The following FREM1 variants were observed in gnomAD, a reference collection of about 807,000 sequenced individuals.
FREM1 encodes the protein FRAS1-related extracellular matrix protein 1.
In FREM1, 220 loss-of-function variants were observed where a neutral mutation model predicts 210.1. That is an observed-to-expected ratio of 1.05 (90% CI 0.94 to 1.17). FREM1 has a LOEUF of 1.17. Ranked by LOEUF, FREM1 falls within the 50% of genes most tolerant of loss-of-function variation. The probability of loss-of-function intolerance (pLI) is 0.00; values close to 1 mark genes in which losing one functional copy is unlikely to be tolerated. For synonymous variants in FREM1, 1,189 were observed against 980.2 expected, an observed-to-expected ratio of 1.21 and a Z score of -3.98; for missense variants, 3,454 against 2,675.5, an observed-to-expected ratio of 1.29 and a Z score of -6.42.
intron 22 of FREM1, among the ~76,000 whole-genome samples, chr9:14,789,343 G>A (rs758954449): frequency 6.6e-6 from 1 of 152,068 alleles, no homozygotes; most frequent in African/African-American, 2.4e-5. Context: ...GGTTTCAGAC[G>A]AAGTCAAACA....
intron 18 of FREM1, among the ~76,000 whole-genome samples, chr9:14,806,150 C>T (rs538153334): frequency 6.6e-6 from 1 of 151,468 alleles, no homozygotes; most frequent in African/African-American, 2.4e-5. Context: ...AATTTGCATG[C>T]AAGGGGGAAG....
chr9:14,822,408 C>T (rs1000095801), intron 13 of FREM1, among the ~76,000 whole-genome samples: 4 of 152,162 alleles, frequency 2.6e-5, no homozygotes, highest in Admixed American at 1.3e-4. Flanking sequence ...TCCAAGTAGG[C>T]ACCCGGGAAA....
intron 1 of FREM1, among the ~76,000 whole-genome samples, chr9:14,870,048 T>C (rs1317335726): frequency 2.0e-5 from 3 of 152,266 alleles, no homozygotes; most frequent in Non-Finnish European, 4.4e-5. Context: ...AAAGATTTTA[T>C]CTAAAGTAAA....
intron 10 of FREM1, among the ~76,000 whole-genome samples, chr9:14,826,017 C>G (rs922052554): frequency 6.6e-6 from 1 of 152,016 alleles, no homozygotes; most frequent in Non-Finnish European, 1.5e-5. Context: ...AACAACTTCT[C>G]AGAAAGTGTG....
chr9:14,804,048 C>G (rs1429286310), intron 19 of FREM1, among the ~76,000 whole-genome samples: 1 of 152,092 alleles, frequency 6.6e-6, no homozygotes, highest in Non-Finnish European at 1.5e-5. Flanking sequence ...CATAAAATGC[C>G]AAACCTGATT....
chr9:14,879,761 G>T (rs907712044), intron 1 of FREM1, among the ~76,000 whole-genome samples: 2 of 152,114 alleles, frequency 1.3e-5, no homozygotes, highest in African/African-American at 4.8e-5. Flanking sequence ...AACTCTAAAG[G>T]CTGCATCTAT....
At chr9:14,818,704 C>T (rs1170353057) in intron 14 of FREM1, among the ~76,000 whole-genome samples, 16 of 152,178 alleles carry the variant, frequency 1.1e-4, no homozygotes, top group Admixed American at 1.0e-3. Context: ...ATTGTGCCAT[C>T]CCTGTTGGAG....
At chr9:14,758,020 C>G (rs1006822364) in intron 28 of FREM1, among the ~76,000 whole-genome samples, 9 of 152,138 alleles carry the variant, frequency 5.9e-5, no homozygotes, top group Non-Finnish European at 1.0e-4. Flanking sequence ...TTTACAGAAT[C>G]CTATGTGGGA....
At chr9:14,769,924 G>A (rs1358588150) in intron 26 of FREM1, 56 bp from the exon 27 acceptor site, 2 of 897,844 alleles carry the variant, frequency 2.2e-6, no homozygotes, top group Admixed American at 2.9e-5. Context: ...TTAAATAAAA[G>A]CTAATAAAAT....
rs147533933 is a variant in FREM1, at chr9:14,833,897, T to C, written c.1881+7550A>G. ...ATAACTTCTGGTAGCATGGGACTCC[T>C]TGGGAAAAACAGAGGAGGTGCCACA... On this transcript the variant is annotated intron_variant, in intron 10 of 36. Coordinates refer to ENST00000380880, the MANE Select transcript of FREM1 (RefSeq NM_001379081.2). 4.2e-3 allele frequency among the ~76,000 whole-genome samples: 633 copies of C among 152,320 alleles called. 5 individuals carry two copies. The highest frequency in any genetic ancestry group is 0.015 in the African/African-American group (610 of 41,580).
At position 14,775,958 on chromosome 9, in the gene FREM1, A is replaced by ATTT; in HGVS notation, c.4687_4688insAAA (p.Leu1563delinsGlnIle). On this transcript the variant is annotated protein_altering_variant, in exon 25 of 37. Transcript: ENST00000380880. ...ATCCTGCTGGGTGAAATTGTGTTGAAGTAGCCCTGTCCCCCACAGGTAGAG... is the reference window on the plus strand; with the variant it reads ...ATCCTGCTGGGTGAAATTGTGTTGAATTTGTAGCCCTGTCCCCCACAGGTAGAG... 1 of 1,613,990 alleles carries ATTT rather than the reference A, an allele frequency of 6.2e-7. No homozygotes were observed. Among genetic ancestry groups the ATTT allele is most frequent in the Non-Finnish European group, 8.5e-7 (1 of 1,179,880 alleles).
At chr9:14,879,975 C>T (rs879313184) in intron 1 of FREM1, among the ~76,000 whole-genome samples, 1 of 151,984 alleles carries the variant, frequency 6.6e-6, no homozygotes, top group Non-Finnish European at 1.5e-5. Flanking sequence ...ATGTTGAAGC[C>T]CTGATTTCCA....
intron 18 of FREM1, among the ~76,000 whole-genome samples, chr9:14,806,383 G>A (rs1314594672): frequency 2.6e-5 from 4 of 151,316 alleles, no homozygotes; most frequent in Non-Finnish European, 4.4e-5. Context: ...AGCCTCCCAA[G>A]TAGCTGGGAT....
chr9:14,785,808 G>T (rs1850338813), intron 23 of FREM1, among the ~76,000 whole-genome samples: 2 of 152,146 alleles, frequency 1.3e-5, no homozygotes, highest in South Asian at 4.2e-4. Flanking sequence ...TAGACTTTAA[G>T]TTTTCTGAGA....
At chr9:14,798,258 G>C (rs147689314) in intron 20 of FREM1, among the ~76,000 whole-genome samples, 2 of 152,218 alleles carry the variant, frequency 1.3e-5, no homozygotes, top group Non-Finnish European at 2.9e-5. Context: ...AAACTATCTG[G>C]ATATTTTAAA....
At chr9:14,864,076 C>T (rs902507135) in intron 2 of FREM1, among the ~76,000 whole-genome samples, 173 bp from the exon 3 acceptor site, 2 of 152,146 alleles carry the variant, frequency 1.3e-5, no homozygotes, top group African/African-American at 4.8e-5. Flanking sequence ...TACCCAGTCA[C>T]CATCCTACTT....
chr9:14,743,470 C>A (rs925362753), intron 35 of FREM1, among the ~76,000 whole-genome samples: 10 of 151,988 alleles, frequency 6.6e-5, no homozygotes, highest in African/African-American at 2.2e-4. Context: ...ATTATAATCT[C>A]GTAATAAAGA....
chr9:14,776,499 T>A (rs562482980), intron 24 of FREM1, among the ~76,000 whole-genome samples: 1 of 152,338 alleles, frequency 6.6e-6, no homozygotes, highest in Non-Finnish European at 1.5e-5. Flanking sequence ...GTGCTTAATG[T>A]GGTTCCTTGA....
intron 1 of FREM1, among the ~76,000 whole-genome samples, chr9:14,896,957 C>G (rs1196839218): frequency 1.3e-5 from 2 of 152,164 alleles, no homozygotes; most frequent in African/African-American, 2.4e-5. Flanking sequence ...CTCAAACTCA[C>G]AGATGTCTGC....
Sources: gnomAD v4.1 joint callset for allele counts (sites outside exome capture counted in the v4.1 genomes callset) on GRCh38, gnomAD v4.1.1 for gene constraint, MANE v1.5 for transcripts, NCBI Gene and HGNC (gene_info 2026-07-23, HGNC 2026-07-21) for gene names.